The following TRAPPC13 variants were observed in gnomAD, a reference collection of about 807,000 sequenced individuals.
TRAPPC13 encodes trafficking protein particle complex subunit 13.
Under a neutral mutation model 54.0 loss-of-function variants are expected in TRAPPC13, and 39 were observed. That is an observed-to-expected ratio of 0.72 (90% CI 0.56 to 0.94). The LOEUF (loss-of-function observed/expected upper bound fraction) is 0.94, where lower values mean the gene tolerates loss of function less well. Among genes scored for constraint, TRAPPC13 ranks in the 40% least tolerant of loss-of-function variants. The probability of loss-of-function intolerance (pLI) is 0.00; values close to 1 mark genes in which losing one functional copy is unlikely to be tolerated. For synonymous variants in TRAPPC13, 148 were observed against 167.7 expected (o/e 0.88, Z 0.91); for missense variants, 386 against 488.1 (o/e 0.79, Z 1.97).
chr5:65,650,480 A>G (rs1756388089), intron 5 of TRAPPC13, among the ~76,000 whole-genome samples: 1 of 151,720 alleles, frequency 6.6e-6, no homozygotes, highest in South Asian at 2.1e-4. Flanking sequence ...TTTAATCCAT[A>G]TTTTTTTCTA....
chr5:65,660,769 C>A lies in TRAPPC13; in HGVS notation c.769C>A (p.Pro257Thr), dbSNP rs1581234683. Reference sequence around the variant, plus strand: ...ACGCCAGTACTTATACTGCCTAAAGCCAAAGAATGAATTTGCAGAAAAAGC... The same window carrying A: ...ACGCCAGTACTTATACTGCCTAAAGACAAAGAATGAATTTGCAGAAAAAGC... Reference protein sequence around the residue: ...DTRQYLYCLKPKNEFAEKAGI... With the variant: ...DTRQYLYCLKTKNEFAEKAGI... Residue 257 changes from proline to threonine, a missense_variant, in exon 10 of 13, where the codon CCA becomes ACA. Coordinates refer to ENST00000399438, the MANE Select transcript of TRAPPC13 (RefSeq NM_024941.4). 6.2e-7 allele frequency: 1 copy of A among 1,613,448 alleles called. No homozygotes were observed. Among genetic ancestry groups the A allele is most frequent in the Non-Finnish European group, 8.5e-7 (1 of 1,179,684 alleles).
chr5:65,628,858 C>G (rs2150659539), intron 1 of TRAPPC13, among the ~76,000 whole-genome samples: 1 of 151,160 alleles, frequency 6.6e-6, no homozygotes, highest in East Asian at 1.9e-4. Context: ...AAGTCTTGCT[C>G]TATCGCCCAG....
intron 1 of TRAPPC13, chr5:65,625,403 T>C (rs999740940): frequency 5.0e-6 from 2 of 397,134 alleles, no homozygotes; most frequent in African/African-American, 4.1e-5. Context: ...TCTCTGTGAA[T>C]TACAGCGGGC....
chr5:65,638,023 G>A (rs1755819128), intron 4 of TRAPPC13, among the ~76,000 whole-genome samples: 1 of 150,886 alleles, frequency 6.6e-6, no homozygotes, highest in Non-Finnish European at 1.5e-5. Flanking sequence ...GGAGGCTAAG[G>A]CAGGAGAGGC....
chr5:65,628,702 C>T (rs993982381), intron 1 of TRAPPC13, among the ~76,000 whole-genome samples: 3 of 151,906 alleles, frequency 2.0e-5, no homozygotes, highest in Admixed American at 2.0e-4. Context: ...AAGCTCCTGA[C>T]CTCGTGATCT....
intron 7 of TRAPPC13, among the ~76,000 whole-genome samples, chr5:65,654,427 C>T (rs1463726526): frequency 1.3e-5 from 2 of 152,076 alleles, no homozygotes; most frequent in Non-Finnish European, 2.9e-5. Context: ...ATATTCTGAA[C>T]TTTTGAAAAT....
At position 65,658,470 on chromosome 5, in the gene TRAPPC13, G is replaced by A. The variant is rs1756730349; in HGVS notation, c.667G>A (p.Glu223Lys). 1 of 1,578,160 alleles carries A rather than the reference G, an allele frequency of 6.3e-7. No homozygotes were observed. The highest frequency in any genetic ancestry group is 8.6e-7 in the Non-Finnish European group (1 of 1,160,092). Residue 223 changes from glutamate (E) to lysine (K), a missense_variant, in exon 9 of 13, where the codon GAA (glutamate) becomes AAA (lysine). Coordinates refer to ENST00000399438, the MANE Select transcript of TRAPPC13 (RefSeq NM_024941.4). ...GCCATCTATTATGTACAATGTAACA[G>A]AATTAAATTCAGTCAGCCAAGCTGG... ...LEPSIMYNVTELNSVSQAGEC... is the reference protein window; with the variant it reads ...LEPSIMYNVTKLNSVSQAGEC...
intron 1 of TRAPPC13, among the ~76,000 whole-genome samples, chr5:65,628,269 T>C (rs1283940018): frequency 6.6e-6 from 1 of 152,160 alleles, no homozygotes; most frequent in Non-Finnish European, 1.5e-5. Context: ...TCAAAAGCCA[T>C]GGTATTGGGG....
intron 6 of TRAPPC13, 77 bp from the exon 7 acceptor site, chr5:65,652,420 AACTT>A (rs1756499211): frequency 2.0e-6 from 2 of 1,010,820 alleles, no homozygotes; most frequent in African/African-American, 1.6e-5. Flanking sequence ...ATGACTGACA[AACTT>A]ACACTATTTG....
intron 8 of TRAPPC13, 41 bp from the exon 9 acceptor site, chr5:65,658,327 A>G (rs1282826217): frequency 2.0e-6 from 3 of 1,537,504 alleles, no homozygotes; most frequent in South Asian, 1.3e-5. Context: ...AATATTTTAA[A>G]TGCCACCACA....
chr5:65,663,078 AAAC>A (rs1183753862), intron 11 of TRAPPC13: 1 of 152,194 alleles, frequency 6.6e-6, no homozygotes, highest in Admixed American at 6.6e-5. Flanking sequence ...TGAGCTCAGT[AAAC>A]AACAATACAG....
intron 4 of TRAPPC13, 100 bp from the exon 5 acceptor site, chr5:65,646,955 C>T (rs1756234172): frequency 2.6e-6 from 3 of 1,139,022 alleles, no homozygotes; most frequent in South Asian, 1.9e-5. Flanking sequence ...TCCTTCTTTC[C>T]TAATTCTTAT....
chr5:65,647,078 G>C lies in TRAPPC13; in HGVS notation c.324G>C (p.Gln108His). The C allele has an allele frequency of 1.9e-6, 3 of 1,545,990 alleles. No homozygotes were observed. Among genetic ancestry groups the C allele is most frequent in the Non-Finnish European group, 2.6e-6 (3 of 1,144,678 alleles). Residue 108 changes from glutamine (Q) to histidine (H), a missense_variant, in exon 5 of 13, where the codon CAG (glutamine) becomes CAC (histidine). Transcript: ENST00000399438. ...AGGCTGATCTTCAGACAAGTTCTCA[G>C]CGTTTAAATCTTTCAGCCTCCAATG... ...LVKADLQTSSQRLNLSASNAA... is the reference protein window; with the variant it reads ...LVKADLQTSSHRLNLSASNAA...
At chr5:65,636,918 A>G (rs1378570642) in intron 3 of TRAPPC13, among the ~76,000 whole-genome samples, 2 of 152,256 alleles carry the variant, frequency 1.3e-5, no homozygotes, top group East Asian at 3.8e-4. Flanking sequence ...TATTCATGTA[A>G]AAAGTATAAA....
intron 11 of TRAPPC13, 153 bp from the exon 12 acceptor site, chr5:65,664,084 G>A: frequency 2.6e-6 from 2 of 774,292 alleles, no homozygotes; most frequent in Non-Finnish European, 4.2e-6. Context: ...TCTATCTTAA[G>A]TGACATAAAA....
intron 1 of TRAPPC13, chr5:65,625,415 T>C: frequency 2.7e-6 from 1 of 374,826 alleles, no homozygotes. Flanking sequence ...ACAGCGGGCA[T>C]CCAAAGTGCT....
intron 4 of TRAPPC13, among the ~76,000 whole-genome samples, chr5:65,645,782 T>C (rs1756179165): frequency 6.6e-6 from 1 of 152,158 alleles, no homozygotes; most frequent in East Asian, 1.9e-4. Context: ...CCAGCCTGGG[T>C]GACAGAGCAA....
rs148977459 is a variant in TRAPPC13, at chr5:65,640,879, C to G, written c.300+3099C>G. Among the ~76,000 whole-genome samples the G allele has an allele frequency of 9.7e-4, 148 of 151,874 alleles. 1 individual carries two copies. Among genetic ancestry groups the G allele is most frequent in the African/African-American group, 3.4e-3 (139 of 41,466 alleles). The stretch of plus-strand genomic sequence containing the variant: ...AAGCAGTGTAGTACTCACTAGGGGT[C>G]TTAGGCTCAACTAGACATTCAGACT... On this transcript the variant is annotated intron_variant, in intron 4 of 12. Coordinates refer to ENST00000399438, the MANE Select transcript of TRAPPC13 (RefSeq NM_024941.4).
At chr5:65,636,503 T>C (rs1755756669) in intron 3 of TRAPPC13, among the ~76,000 whole-genome samples, 2 of 152,024 alleles carry the variant, frequency 1.3e-5, no homozygotes, top group African/African-American at 4.8e-5. Context: ...TATGGCTTTC[T>C]GTTATTAAAA....
Sources: gnomAD v4.1 joint callset for allele counts (sites outside exome capture counted in the v4.1 genomes callset) on GRCh38, gnomAD v4.1.1 for gene constraint, MANE v1.5 for transcripts, NCBI Gene and HGNC (gene_info 2026-07-23, HGNC 2026-07-21) for gene names.